TRPC4: variants seen among roughly 807,000 people sequenced by gnomAD.
The protein encoded by TRPC4 is transient receptor potential cation channel subfamily C member 4, also known as short transient receptor potential channel 4.
TRPC4 carries 49 observed loss-of-function variants against 99.4 expected under a neutral mutation model. That is an observed-to-expected ratio of 0.49 (90% CI 0.39 to 0.63). The LOEUF is 0.63. Among genes scored for constraint, TRPC4 ranks in the 20% least tolerant of loss-of-function variants. TRPC4 has a pLI of 0.00. For missense variants in TRPC4, 898 were observed against 1,152.9 expected, an observed-to-expected ratio of 0.78 and a Z score of 3.20; for synonymous variants, 454 against 425.9, an observed-to-expected ratio of 1.07 and a Z score of -0.81.
rs181840322 is a variant in TRPC4, at chr13:37,663,825, C to A, written c.1375-96G>T. On this transcript the variant is annotated intron_variant, in intron 5 of 10. Transcript: ENST00000379705. Reference sequence around the variant, plus strand: ...AGAAGGAAAACTATTAAATTTTGAACAAAATAATTGATGACTTTGTTTTCG... The same window carrying A: ...AGAAGGAAAACTATTAAATTTTGAAAAAAATAATTGATGACTTTGTTTTCG... The A allele has an allele frequency of 5.7e-4, 659 of 1,146,630 alleles. 2 individuals are homozygous for A. In the African/African-American group the frequency reaches 9.2e-3, roughly 16 times the overall value. The allele number at this position is 1,146,630 out of a possible 1,614,324, so 71.0% of individuals were successfully genotyped here. A position where few individuals can be genotyped will look rare whatever the true frequency, so the allele number is the denominator to read the frequency against.
chr13:37,812,898 A>G (rs1333836123), intron 1 of TRPC4, among the ~76,000 whole-genome samples: 1 of 152,016 alleles, frequency 6.6e-6, no homozygotes, highest in Non-Finnish European at 1.5e-5. Flanking sequence ...AAAACAAAAA[A>G]TGACATGCCA....
At chr13:37,688,648 G>A (rs545411866) in intron 4 of TRPC4, among the ~76,000 whole-genome samples, 2 of 152,130 alleles carry the variant, frequency 1.3e-5, no homozygotes, top group Non-Finnish European at 1.5e-5. Flanking sequence ...TTATGAATGC[G>A]AGGAAGATCT....
chr13:37,820,576 A>G (rs1254002448), intron 1 of TRPC4, among the ~76,000 whole-genome samples: 1 of 152,060 alleles, frequency 6.6e-6, no homozygotes. Context: ...GCACATAAAA[A>G]CGTAAATCCA....
intron 8 of TRPC4, among the ~76,000 whole-genome samples, chr13:37,648,011 C>T (rs1399969993): frequency 2.6e-5 from 4 of 152,116 alleles, no homozygotes; most frequent in African/African-American, 4.8e-5. Flanking sequence ...GGTGCGATCT[C>T]GGCTCACTGC....
At chr13:37,659,756 A>C (rs962721034) in intron 6 of TRPC4, among the ~76,000 whole-genome samples, 2 of 152,102 alleles carry the variant, frequency 1.3e-5, no homozygotes, top group African/African-American at 4.8e-5. Flanking sequence ...AGATAATAGG[A>C]GCAGGAACAG....
chr13:37,821,898 C>T (rs757683630), intron 1 of TRPC4, among the ~76,000 whole-genome samples: 5 of 151,828 alleles, frequency 3.3e-5, no homozygotes, highest in Admixed American at 6.6e-5. Context: ...AGACACAGGC[C>T]CTGGCAAAGA....
Position 37,643,851 on chromosome 13 carries a change from T to G in TRPC4, c.2080-4552A>C, listed in dbSNP as rs114423650. On this transcript the variant is annotated intron_variant, in intron 8 of 10. Transcript: ENST00000379705. ...AATGAGACTTCCTAGCTTCTGGTGG[T>G]GGCTGTTAATTCTTGGAGTTCTTTG... 7.6e-3 allele frequency among the ~76,000 whole-genome samples: 1,153 copies of G among 152,238 alleles called. 17 individuals carry two copies. Among genetic ancestry groups the G allele is most frequent in the African/African-American group, 0.027 (1,111 of 41,536 alleles).
intron 3 of TRPC4, among the ~76,000 whole-genome samples, chr13:37,711,893 A>G (rs940680814): frequency 3.3e-5 from 5 of 152,098 alleles, no homozygotes; most frequent in African/African-American, 1.2e-4. Flanking sequence ...GGCATTTAAC[A>G]TATCTAAAAT....
chr13:37,668,151 A>C (rs1434933842), intron 5 of TRPC4, among the ~76,000 whole-genome samples: 1 of 152,234 alleles, frequency 6.6e-6, no homozygotes, highest in Non-Finnish European at 1.5e-5. Flanking sequence ...TACTTTAAAC[A>C]CACATAGGTT....
chr13:37,801,655 A>C (rs1434090190), intron 1 of TRPC4, among the ~76,000 whole-genome samples: 2 of 152,126 alleles, frequency 1.3e-5, no homozygotes, highest in Non-Finnish European at 2.9e-5. Flanking sequence ...TTTGGGCACT[A>C]AGTGGGTATT....
chr13:37,750,629 G>C (rs1282496739), intron 2 of TRPC4, among the ~76,000 whole-genome samples: 1 of 152,020 alleles, frequency 6.6e-6, no homozygotes, highest in Non-Finnish European at 1.5e-5. Flanking sequence ...AATGCATAAT[G>C]TTTTTACTTT....
At chr13:37,788,005 G>T (rs1957015237) in intron 1 of TRPC4, among the ~76,000 whole-genome samples, 1 of 151,994 alleles carries the variant, frequency 6.6e-6, no homozygotes, top group Admixed American at 6.6e-5. Flanking sequence ...TTATTGTGCT[G>T]GATTTTTACC....
intron 1 of TRPC4, among the ~76,000 whole-genome samples, chr13:37,842,343 C>CAAA (rs57428116): frequency 9.0e-4 from 14 of 15,630 alleles, no homozygotes; most frequent in African/African-American, 1.5e-3. Context: ...AGCGTCTAGC[C>CAAA]AAAAAAAAAA....
intron 3 of TRPC4, among the ~76,000 whole-genome samples, chr13:37,745,472 ATACACACACACACACACT>A (rs1955731996): frequency 0.035 from 62 of 1,764 alleles, no homozygotes; most frequent in Middle Eastern, 0.25. Context: ...ATATATATAT[ATACACACACACACACACT>A]TATATATACG....
At chr13:37,702,902 C>A (rs1954147981) in intron 3 of TRPC4, among the ~76,000 whole-genome samples, 1 of 151,696 alleles carries the variant, frequency 6.6e-6, no homozygotes, top group Non-Finnish European at 1.5e-5. Flanking sequence ...ATTGCTTAGA[C>A]AAAAGAGGAA....
chr13:37,692,735 T>C (rs977640649), intron 3 of TRPC4, among the ~76,000 whole-genome samples: 1 of 152,222 alleles, frequency 6.6e-6, no homozygotes, highest in Non-Finnish European at 1.5e-5. Flanking sequence ...ATCTCTTGGT[T>C]ACAACATTAC....
intron 2 of TRPC4, among the ~76,000 whole-genome samples, chr13:37,755,243 A>G (rs1008020870): frequency 6.6e-6 from 1 of 151,528 alleles, no homozygotes; most frequent in Non-Finnish European, 1.5e-5. Flanking sequence ...GAATAAATGG[A>G]TACATGTCCT....
chr13:37,821,240 A>C, intron 1 of TRPC4, among the ~76,000 whole-genome samples: 1 of 151,152 alleles, frequency 6.6e-6, no homozygotes, highest in Non-Finnish European at 1.5e-5. Flanking sequence ...ACAAATACCT[A>C]GGAATACAGC....
chr13:37,805,242 A>C (rs1033848392), intron 1 of TRPC4, among the ~76,000 whole-genome samples: 1 of 151,898 alleles, frequency 6.6e-6, no homozygotes, highest in Non-Finnish European at 1.5e-5. Context: ...TTATTTTGGG[A>C]TGGTGTATAA....
Sources: gnomAD v4.1 joint callset for allele counts (sites outside exome capture counted in the v4.1 genomes callset) on GRCh38, gnomAD v4.1.1 for gene constraint, MANE v1.5 for transcripts, NCBI Gene and HGNC (gene_info 2026-07-23, HGNC 2026-07-21) for gene names.